The following TRIO variants were observed in gnomAD, a reference collection of about 807,000 sequenced individuals.
TRIO encodes the protein triple functional domain protein.
In TRIO, 58 loss-of-function variants were observed where a neutral mutation model predicts 351.9. The observed-to-expected ratio is 0.16, with a 90% CI of 0.13 to 0.21. TRIO has a LOEUF of 0.21. TRIO is among the 10% of genes least tolerant of loss of function. TRIO has a pLI of 1.00. For missense variants in TRIO, 3,201 were observed against 4,027.8 expected (o/e 0.79, Z 5.56); for synonymous variants, 1,758 against 1,595.7 (o/e 1.10, Z -2.42).
intron 3 of TRIO, among the ~76,000 whole-genome samples, chr5:14,281,428 C>CCT (rs1554047051): frequency 9.5e-6 from 1 of 105,378 alleles, no homozygotes; most frequent in African/African-American, 4.5e-5. Context: ...GTTAGAACCC[C>CCT]CCCCCCCCGC....
chr5:14,264,173 G>T (rs1795514742), intron 1 of TRIO, among the ~76,000 whole-genome samples: 1 of 151,688 alleles, frequency 6.6e-6, no homozygotes, highest in Non-Finnish European at 1.5e-5. Flanking sequence ...ATATATATTT[G>T]TTTAAACTTT....
At chr5:14,416,894 C>A (rs371554355) in intron 33 of TRIO, among the ~76,000 whole-genome samples, 5 of 152,272 alleles carry the variant, frequency 3.3e-5, no homozygotes, top group Admixed American at 1.3e-4. Flanking sequence ...TCAGGGAAGC[C>A]CAGTGGGTTT....
At chr5:14,166,697 C>T (rs1363011153) in intron 1 of TRIO, among the ~76,000 whole-genome samples, 1 of 152,152 alleles carries the variant, frequency 6.6e-6, no homozygotes, top group Admixed American at 6.5e-5. Context: ...GTTTCCCTGT[C>T]TCAGGAGGCT....
chr5:14,324,677 T>C (rs1295343132), intron 9 of TRIO, among the ~76,000 whole-genome samples: 2 of 152,224 alleles, frequency 1.3e-5, no homozygotes, highest in African/African-American at 4.8e-5. Flanking sequence ...AGGTTACTTA[T>C]CCGAGCCTCA....
chr5:14,402,105 G>T (rs1748120447), intron 31 of TRIO, among the ~76,000 whole-genome samples: 1 of 152,162 alleles, frequency 6.6e-6, no homozygotes. Context: ...CTGGCATAAA[G>T]CCCTATATGA....
chr5:14,248,284 A>T (rs1238806015), intron 1 of TRIO, among the ~76,000 whole-genome samples: 2 of 152,178 alleles, frequency 1.3e-5, no homozygotes, highest in African/African-American at 4.8e-5. Context: ...AAAATTACAA[A>T]TGGAATGTCA....
At chr5:14,143,918 T>C in intron 1 of TRIO, 36 bp downstream of exon 1, 2 of 1,055,270 alleles carry the variant, frequency 1.9e-6, no homozygotes, top group Admixed American at 5.5e-5. Context: ...CCAGCGGCGC[T>C]GCCCCAAGCG....
chr5:14,436,335 C>T (rs576957571), intron 34 of TRIO, among the ~76,000 whole-genome samples: 6 of 152,250 alleles, frequency 3.9e-5, no homozygotes, highest in South Asian at 2.1e-4. Flanking sequence ...AAGTACAGCA[C>T]GGGAAAAACT....
intron 1 of TRIO, among the ~76,000 whole-genome samples, chr5:14,153,786 G>A (rs1787958914): frequency 6.6e-6 from 1 of 152,110 alleles, no homozygotes; most frequent in African/African-American, 2.4e-5. Context: ...GAGAGAGTAG[G>A]CATGACCCCT....
rs12110267 is a variant in TRIO at position 14,368,454 on chromosome 5, A to G, written c.2875-254A>G. ...TATTTCTCAGACTAAGAACCCTACA[A>G]CCGAGACCCATTCTGGGAGGTCCTG... On this transcript the variant is annotated intron_variant, in intron 16 of 56. Coordinates refer to ENST00000344204, the MANE Select transcript of TRIO (RefSeq NM_007118.4). 0.07 allele frequency among the ~76,000 whole-genome samples: 10,678 copies of G among 152,142 alleles called. 438 individuals are homozygous for G. Among genetic ancestry groups the G allele is most frequent in the African/African-American group, 0.12 (5,039 of 41,486 alleles).
intron 6 of TRIO, among the ~76,000 whole-genome samples, chr5:14,295,398 G>A (rs750483767): frequency 1.8e-4 from 28 of 152,180 alleles, no homozygotes; most frequent in Non-Finnish European, 2.6e-4. Context: ...CACCATACTC[G>A]TTTATGTGTG....
chr5:14,293,553 C>T (rs1215981198), intron 6 of TRIO, among the ~76,000 whole-genome samples: 1 of 152,196 alleles, frequency 6.6e-6, no homozygotes, highest in Non-Finnish European at 1.5e-5. Flanking sequence ...GACCTCAGGG[C>T]ACTAGCTAGT....
At chr5:14,490,089 G>A (rs759964060) in intron 48 of TRIO, among the ~76,000 whole-genome samples, 10 of 152,212 alleles carry the variant, frequency 6.6e-5, no homozygotes, top group Non-Finnish European at 1.2e-4. Flanking sequence ...CCAGCATGGT[G>A]AAACCCCATC....
chr5:14,334,569 A>T (rs561513440), intron 10 of TRIO, among the ~76,000 whole-genome samples: 1 of 152,230 alleles, frequency 6.6e-6, no homozygotes, highest in Non-Finnish European at 1.5e-5. Context: ...GAAGTCCACA[A>T]TTCCAAAACT....
chr5:14,390,449 A>T, intron 26 of TRIO, 149 bp downstream of exon 26: 1 of 691,920 alleles, frequency 1.4e-6, no homozygotes, highest in Non-Finnish European at 2.4e-6. Context: ...AGAATTGCAT[A>T]CTTCAACTAA....
intron 27 of TRIO, 46 bp from the exon 28 acceptor site, chr5:14,393,992 G>T (rs755018461): frequency 7.5e-7 from 1 of 1,328,534 alleles, no homozygotes; most frequent in South Asian, 1.2e-5. Context: ...TGATTTAATA[G>T]TGTAGCCCTA....
chr5:14,243,264 G>A (rs112194920), intron 1 of TRIO, among the ~76,000 whole-genome samples: 2 of 151,552 alleles, frequency 1.3e-5, no homozygotes, highest in Non-Finnish European at 1.5e-5. Context: ...CTCTCCATTC[G>A]TGTGTACCCT....
chr5:14,199,214 A>AAAC (rs1790952969), intron 1 of TRIO, among the ~76,000 whole-genome samples: 2 of 149,130 alleles, frequency 1.3e-5, no homozygotes, highest in East Asian at 1.9e-4. Context: ...AAAAAAAAAA[A>AAAC]AAAAACCTCC....
Position 14,389,295 on chromosome 5 carries a change from C to T in TRIO, c.3955C>T (p.Leu1319=), listed in dbSNP as rs1746838708. Residue 1319 remains leucine, a synonymous_variant, in exon 25 of 57, where the codon CTG becomes TTG. Transcript: ENST00000344204. Reference sequence around the variant, plus strand: ...CTGTTTCCCTCTCGGCTAGACGTACCTGTGGGAAATGACCAGTGGCGTGGA... The same window carrying T: ...CTGTTTCCCTCTCGGCTAGACGTACTTGTGGGAAATGACCAGTGGCGTGGA... ...RDLRECMDTY[L]WEMTSGVEEI... The T allele has an allele frequency of 1.2e-6, 2 of 1,607,736 alleles. No individual in the cohort carries two copies. Among genetic ancestry groups the T allele is most frequent in the East Asian group, 2.2e-5 (1 of 44,600 alleles).
Sources: allele counts gnomAD v4.1 joint callset (sites outside exome capture counted in the v4.1 genomes callset), GRCh38; gene constraint gnomAD v4.1.1; transcripts MANE v1.5; gene names NCBI Gene and HGNC (gene_info 2026-07-23, HGNC 2026-07-21).